Variants in JAK1 observed in about 807,000 individuals in gnomAD.
The protein encoded by JAK1 is Janus kinase 1.
Under a neutral mutation model 136.6 loss-of-function variants are expected in JAK1, and 16 were observed. That is an observed-to-expected ratio of 0.12 (90% CI 0.08 to 0.18). The LOEUF is 0.18. Ranked by LOEUF, JAK1 falls within the 10% of genes least tolerant of loss-of-function variation. The pLI, the probability that JAK1 is intolerant of heterozygous loss-of-function variation, is 1.00. For missense variants in JAK1, 859 were observed against 1,450.1 expected, an observed-to-expected ratio of 0.59 and a Z score of 6.62; for synonymous variants, 492 against 519.5, an observed-to-expected ratio of 0.95 and a Z score of 0.72.
rs1178179593 is a variant in JAK1, at chr1:64,886,259, C to T, written c.6G>A (p.Gln2=). ...TTTAAAAATATGCAAATCTACATAC[C>T]TGCATTTATTCAGCTGTCCAGTGTT... The part of the protein sequence containing the change: M[Q]YLNIKEDCNA... The change falls in exon 2 of 25, where the codon CAG becomes CAA. Residue 2 remains glutamine, a splice_region_variant and synonymous_variant. Transcript: ENST00000342505. 1 of 1,582,804 alleles carries T rather than the reference C, an allele frequency of 6.3e-7. No individual in the cohort carries two copies.
At chr1:64,966,186 C>T (rs1401736719) in intron 1 of JAK1, 147 bp downstream of exon 1, 1 of 151,852 alleles carries the variant, frequency 6.6e-6, no homozygotes, top group African/African-American at 2.4e-5. Flanking sequence ...CCGCGGGGTC[C>T]TGAGCTGCGC....
intron 1 of JAK1, among the ~76,000 whole-genome samples, chr1:64,909,660 A>AG (rs1227501654): frequency 6.6e-6 from 1 of 150,764 alleles, no homozygotes; most frequent in Non-Finnish European, 1.5e-5. Flanking sequence ...CTCTCTCCAA[A>AG]AAAAAAAAAA....
chr1:64,945,224 G>A (rs1359722890), intron 1 of JAK1, among the ~76,000 whole-genome samples: 3 of 151,996 alleles, frequency 2.0e-5, no homozygotes, highest in African/African-American at 7.2e-5. Flanking sequence ...AGGGGTGAGA[G>A]GTGTCTGCAA....
intron 9 of JAK1, among the ~76,000 whole-genome samples, chr1:64,858,495 C>A (rs1365874721): frequency 2.0e-5 from 3 of 152,224 alleles, no homozygotes; most frequent in Non-Finnish European, 4.4e-5. Flanking sequence ...TGCTTTAAGG[C>A]CTGGCAAGCC....
At chr1:64,981,288 A>C (rs986249457) in intron 2 of JAK1, among the ~76,000 whole-genome samples, 6 of 152,336 alleles carry the variant, frequency 3.9e-5, no homozygotes, top group African/African-American at 1.4e-4. Context: ...TATTGCCTAC[A>C]TCATTCCTTG....
intron 8 of JAK1, among the ~76,000 whole-genome samples, chr1:64,862,060 C>T (rs1232880064): frequency 6.6e-6 from 1 of 152,176 alleles, no homozygotes; most frequent in African/African-American, 2.4e-5. Flanking sequence ...TGACAACATG[C>T]TGGTATCAGG....
intron 2 of JAK1, among the ~76,000 whole-genome samples, chr1:65,007,469 G>GT: frequency 1.3e-5 from 2 of 152,046 alleles, no homozygotes; most frequent in South Asian, 4.2e-4. Flanking sequence ...GTTTTGTTTT[G>GT]TTTTTTGAGA....
intron 11 of JAK1, among the ~76,000 whole-genome samples, chr1:64,852,733 T>A (rs939780542): frequency 5.3e-5 from 8 of 152,178 alleles, no homozygotes; most frequent in Admixed American, 5.2e-4. Context: ...AGGTGTTTCC[T>A]CACTAGAAAA....
chr1:64,867,229 A>G (rs750577753), intron 6 of JAK1, 21 bp from the exon 7 acceptor site: 2 of 1,530,962 alleles, frequency 1.3e-6, no homozygotes, highest in African/African-American at 2.7e-5. Flanking sequence ...GTAGAAAAGT[A>G]CATCTCCTTT....
rs185375209 is a variant in JAK1 at position 64,848,266 on chromosome 1, G to A, written c.1756-591C>T. ...CAGACTCAGGCACACGGGGGGATGC[G>A]TAGAAACCCATCTGGTGGATCCATG... On this transcript the variant is annotated intron_variant, in intron 12 of 24. Transcript: ENST00000342505. Among the ~76,000 whole-genome samples the A allele has an allele frequency of 1.5e-3, 221 of 152,316 alleles. 6 individuals carry two copies. In the South Asian group the frequency reaches 0.043, roughly 30 times the overall value.
chr1:64,876,298 C>A (rs961031324), intron 4 of JAK1: 6 of 152,240 alleles, frequency 3.9e-5, no homozygotes, highest in East Asian at 1.9e-4. Flanking sequence ...GAGGGCCCAA[C>A]AAACTCCCTC....
chr1:65,012,590 C>T (rs887225001), intron 2 of JAK1, among the ~76,000 whole-genome samples: 1 of 152,080 alleles, frequency 6.6e-6, no homozygotes, highest in Admixed American at 6.6e-5. Flanking sequence ...CCAATACAGC[C>T]AATTTGAGCC....
At chr1:65,029,640 G>A (rs763377427) in intron 2 of JAK1, among the ~76,000 whole-genome samples, 19 of 152,216 alleles carry the variant, frequency 1.2e-4, no homozygotes, top group Non-Finnish European at 8.8e-5. Flanking sequence ...AAAAAAGAAT[G>A]AGATCATGTC....
intron 2 of JAK1, among the ~76,000 whole-genome samples, chr1:64,989,064 C>T (rs1468431186): frequency 2.7e-5 from 4 of 145,736 alleles, no homozygotes; most frequent in Admixed American, 1.4e-4. Context: ...TGGTGGCTCA[C>T]GCCTGTAATC....
intron 17 of JAK1, among the ~76,000 whole-genome samples, chr1:64,842,778 A>T (rs1654986788): frequency 6.6e-6 from 1 of 152,232 alleles, no homozygotes; most frequent in Admixed American, 6.5e-5. Context: ...TGAATTTCCC[A>T]AAAGCCTAGG....
chr1:64,864,793 C>G lies in JAK1; in HGVS notation c.1170G>C (p.Lys390Asn). The change falls in exon 8 of 25, where the codon AAG becomes AAC. Residue 390 changes from lysine (K) to asparagine (N), a missense_variant. Lys to Asn is a moderately conservative substitution (Grantham distance 94, BLOSUM62 0). This residue lies in a region of JAK1 where 353 missense variants were observed against 494.0 expected (regional missense o/e 0.71). Transcript: ENST00000342505. ...GCTTCTGGGACAAACTTACCATTTT[C>G]TTGTTGTCCTGCTTGTTAATGCTGA... ...SVVSINKQDN[K>N]KMELKLSSHE... The G allele has an allele frequency of 6.2e-7, 1 of 1,610,078 alleles. No homozygotes were observed. The highest frequency in any genetic ancestry group is 8.5e-7 in the Non-Finnish European group (1 of 1,178,276).
At chr1:65,046,438 A>G (rs1426719116) in intron 1 of JAK1, among the ~76,000 whole-genome samples, 2 of 152,334 alleles carry the variant, frequency 1.3e-5, no homozygotes, top group African/African-American at 4.8e-5. Context: ...ACTGAGGAGT[A>G]TAAGTAAACC....
chr1:65,011,976 AAG>A (rs1025660629), intron 2 of JAK1, among the ~76,000 whole-genome samples: 14 of 152,184 alleles, frequency 9.2e-5, no homozygotes, highest in Non-Finnish European at 1.9e-4. Flanking sequence ...CAGAAGAGGA[AAG>A]AGAGCAAAAT....
rs1240783724 is a variant in JAK1, at chr1:64,857,754, G to A, written c.1360C>T (p.Arg454Trp). The change falls in exon 10 of 25, where the codon CGG becomes TGG. Residue 454 changes from arginine (R) to tryptophan (W), a missense_variant. Physicochemically the swap from Arg to Trp is moderately radical, Grantham distance 101. Around this residue, in one of 4 missense-constraint regions of JAK1, gnomAD observed 409 missense variants for 753.8 expected, o/e 0.54. Coordinates refer to ENST00000342505, the MANE Select transcript of JAK1 (RefSeq NM_002227.4). Reference sequence around the variant, plus strand: ...ATCCCCTCCTCGCTTCCTTCTTGCCGCAATTTATTGATGGCGTATTCTGTA... The same window carrying A: ...ATCCCCTCCTCGCTTCCTTCTTGCCACAATTTATTGATGGCGTATTCTGTA... ...ICTEYAINKLRQEGSEEGMYV... is the reference protein window; with the variant it reads ...ICTEYAINKLWQEGSEEGMYV... 3 of 1,614,130 alleles carry A rather than the reference G, an allele frequency of 1.9e-6. No homozygotes were observed. Among genetic ancestry groups the A allele is most frequent in the Non-Finnish European group, 1.7e-6 (2 of 1,180,006 alleles).
Sources: gnomAD v4.1 joint callset for allele counts (sites outside exome capture counted in the v4.1 genomes callset) on GRCh38, gnomAD v4.1.1 for gene constraint, gnomAD v4.1.1 regional missense constraint, MANE v1.5 for transcripts, NCBI Gene and HGNC (gene_info 2026-07-23, HGNC 2026-07-21) for gene names.